The following CDH13 variants were observed in gnomAD, a reference collection of about 807,000 sequenced individuals.
The protein encoded by CDH13 is cadherin-13.
CDH13 carries 24 observed loss-of-function variants against 63.8 expected under a neutral mutation model. That is an observed-to-expected ratio of 0.38 (90% CI 0.27 to 0.53). CDH13 has a LOEUF of 0.53. Among genes scored for constraint, CDH13 ranks in the 20% least tolerant of loss-of-function variants. The pLI, the probability that CDH13 is intolerant of heterozygous loss-of-function variation, is 0.85. For synonymous variants in CDH13, 503 were observed against 355.3 expected (o/e 1.42, Z -4.67); for missense variants, 1,049 against 903.1 (o/e 1.16, Z -2.07).
intron 1 of CDH13, among the ~76,000 whole-genome samples, chr16:82,673,795 A>C (rs1317918000): frequency 6.6e-6 from 1 of 152,230 alleles, no homozygotes; most frequent in African/African-American, 2.4e-5. Flanking sequence ...TGGGTTCTTG[A>C]CATATGCATA....
At chr16:83,749,043 G>A (rs758847292) in intron 11 of CDH13, among the ~76,000 whole-genome samples, 29 of 152,294 alleles carry the variant, frequency 1.9e-4, no homozygotes, top group South Asian at 4.1e-4. Context: ...AGGATTTGCC[G>A]TTAACTGAGA....
intron 4 of CDH13, among the ~76,000 whole-genome samples, chr16:83,156,665 C>T (rs926864150): frequency 2.0e-5 from 3 of 152,222 alleles, no homozygotes; most frequent in African/African-American, 7.2e-5. Context: ...CACCTGCTGC[C>T]AGGGCTTGAC....
chr16:83,193,224 G>T (rs775736790), intron 4 of CDH13, among the ~76,000 whole-genome samples: 10 of 151,850 alleles, frequency 6.6e-5, no homozygotes, highest in Non-Finnish European at 1.3e-4. Flanking sequence ...CATCCTAGAT[G>T]CTAGCTCTTT....
At chr16:82,798,240 A>G (rs952870288) in intron 1 of CDH13, among the ~76,000 whole-genome samples, 2 of 152,188 alleles carry the variant, frequency 1.3e-5, no homozygotes, top group African/African-American at 4.8e-5. Flanking sequence ...CCAGTTTACA[A>G]ATCTAGAAAA....
intron 10 of CDH13, among the ~76,000 whole-genome samples, chr16:83,693,240 A>T (rs1905074276): frequency 6.6e-6 from 1 of 152,188 alleles, no homozygotes; most frequent in African/African-American, 2.4e-5. Context: ...CACCTGAAAC[A>T]TGGGGAGGAA....
intron 3 of CDH13, among the ~76,000 whole-genome samples, chr16:83,119,801 T>A (rs998804237): frequency 2.6e-5 from 4 of 152,100 alleles, no homozygotes; most frequent in Non-Finnish European, 5.9e-5. Context: ...TACAGAAACA[T>A]ATGGCAGAAC....
intron 3 of CDH13, among the ~76,000 whole-genome samples, chr16:83,088,140 G>T (rs1291355128): frequency 1.3e-5 from 2 of 152,154 alleles, no homozygotes; most frequent in African/African-American, 4.8e-5. Context: ...ATTCAGATGT[G>T]CACTCACCTT....
intron 3 of CDH13, among the ~76,000 whole-genome samples, chr16:83,037,501 G>C (rs1916967433): frequency 6.6e-6 from 1 of 152,200 alleles, no homozygotes; most frequent in Non-Finnish European, 1.5e-5. Flanking sequence ...TTGCCAGAAA[G>C]GAAGAAAGAG....
intron 5 of CDH13, among the ~76,000 whole-genome samples, chr16:83,290,746 G>A (rs79858538): frequency 0.094 from 14,256 of 152,106 alleles, 741 homozygotes; most frequent in Non-Finnish European, 0.11. Context: ...GGCCTTTCTC[G>A]GGCTCCAAGG....
intron 2 of CDH13, among the ~76,000 whole-genome samples, chr16:82,873,581 C>T (rs1204600607): frequency 6.6e-6 from 1 of 152,210 alleles, no homozygotes; most frequent in African/African-American, 2.4e-5. Context: ...GCTACCCAAA[C>T]TTCCAGCTCC....
intron 1 of CDH13, among the ~76,000 whole-genome samples, chr16:82,828,654 G>C (rs543532728): frequency 1.5e-5 from 2 of 136,088 alleles, no homozygotes; most frequent in Admixed American, 1.4e-4. Context: ...GTTTGTGTGT[G>C]TGTGTGTGTG....
chr16:83,241,822 A>C (rs4782760), intron 5 of CDH13, among the ~76,000 whole-genome samples: 3 of 152,158 alleles, frequency 2.0e-5, no homozygotes, highest in African/African-American at 7.2e-5. Flanking sequence ...TTTGATGAGC[A>C]TAAGTTTTTA....
intron 6 of CDH13, among the ~76,000 whole-genome samples, chr16:83,393,510 G>A (rs13335577): frequency 0.02 from 3,005 of 152,222 alleles, 86 homozygotes; most frequent in African/African-American, 0.066. Flanking sequence ...CTTTACTGAC[G>A]TGCCATGGCT....
chr16:82,775,111 G>C (rs756928638), intron 1 of CDH13, among the ~76,000 whole-genome samples: 1 of 152,188 alleles, frequency 6.6e-6, no homozygotes, highest in Non-Finnish European at 1.5e-5. Flanking sequence ...TTGGGACTGT[G>C]AGCACCTGTC....
chr16:83,025,352 A>G (rs980655637), intron 2 of CDH13, among the ~76,000 whole-genome samples: 5 of 152,196 alleles, frequency 3.3e-5, no homozygotes, highest in African/African-American at 1.2e-4. Context: ...AAGAGGTGTA[A>G]TTGACTCACA....
chr16:83,153,681 C>G (rs1015214057), intron 4 of CDH13, among the ~76,000 whole-genome samples: 3 of 152,132 alleles, frequency 2.0e-5, no homozygotes, highest in African/African-American at 4.8e-5. Context: ...GGTTTCAATC[C>G]TATAAGACCA....
chr16:83,281,584 A>T (rs183340881), intron 5 of CDH13, among the ~76,000 whole-genome samples: 1 of 152,160 alleles, frequency 6.6e-6, no homozygotes, highest in African/African-American at 2.4e-5. Context: ...GCTTTCAGCT[A>T]TCTCAGCTTT....
At chr16:83,171,877 C>G (rs1338635003) in intron 4 of CDH13, among the ~76,000 whole-genome samples, 3 of 152,126 alleles carry the variant, frequency 2.0e-5, no homozygotes, top group Non-Finnish European at 4.4e-5. Context: ...TTTTATAATG[C>G]TATCAACTTT....
At chr16:83,202,926 T>C (rs1021702518) in intron 4 of CDH13, among the ~76,000 whole-genome samples, 7 of 152,152 alleles carry the variant, frequency 4.6e-5, no homozygotes, top group African/African-American at 1.7e-4. Context: ...GGGCAAGGGC[T>C]GAAAAACTTC....
Sources: gnomAD v4.1 joint callset for allele counts (sites outside exome capture counted in the v4.1 genomes callset) on GRCh38, gnomAD v4.1.1 for gene constraint, MANE v1.5 for transcripts, NCBI Gene and HGNC (gene_info 2026-07-23, HGNC 2026-07-21) for gene names.